KHDRBS2: variants seen among roughly 807,000 people sequenced by gnomAD.
The protein encoded by KHDRBS2 is KH domain-containing, RNA-binding, signal transduction-associated protein 2.
KHDRBS2 carries 26 observed loss-of-function variants against 44.3 expected under a neutral mutation model. That is an observed-to-expected ratio of 0.59 (90% CI 0.43 to 0.81). The LOEUF is 0.81. Among genes scored for constraint, KHDRBS2 ranks in the 40% least tolerant of loss-of-function variants. The pLI, the probability that KHDRBS2 is intolerant of heterozygous loss-of-function variation, is 0.00. For synonymous variants in KHDRBS2, 194 were observed against 151.1 expected, an observed-to-expected ratio of 1.28 and a Z score of -2.08; for missense variants, 476 against 433.1, an observed-to-expected ratio of 1.10 and a Z score of -0.88.
At chr6:62,258,932 C>T (rs1045378217) in intron 1 of KHDRBS2, among the ~76,000 whole-genome samples, 7 of 152,080 alleles carry the variant, frequency 4.6e-5, no homozygotes, top group Admixed American at 2.0e-4. Context: ...CAGAAATAGA[C>T]CTCAGGTGCA....
At chr6:62,047,852 TA>T in intron 3 of KHDRBS2, 25 bp downstream of exon 3, 1 of 1,444,312 alleles carries the variant, frequency 6.9e-7, no homozygotes, top group Middle Eastern at 1.7e-4. Flanking sequence ...CTGAATGTGG[TA>T]AATATTAGAT....
At chr6:62,192,758 A>T (rs9360358) in intron 1 of KHDRBS2, among the ~76,000 whole-genome samples, 1 of 152,130 alleles carries the variant, frequency 6.6e-6, no homozygotes, top group African/African-American at 2.4e-5. Flanking sequence ...AAATAATTTC[A>T]TTCACTCAGC....
chr6:61,580,823 C>T, the KHDRBS2 span, among the ~76,000 whole-genome samples: 1 of 152,104 alleles, frequency 6.6e-6, no homozygotes, highest in Non-Finnish European at 1.5e-5. Context: ...CTAGATGCAC[C>T]ATCTTTAAGA....
At chr6:62,015,589 G>A (rs77573396) in intron 3 of KHDRBS2, among the ~76,000 whole-genome samples, 21,854 of 151,992 alleles carry the variant, frequency 0.14, 2,077 homozygotes, top group Non-Finnish European at 0.19. Context: ...ACAATTTCCA[G>A]AGCTCCAGAC....
chr6:61,578,201 C>G, the KHDRBS2 span, among the ~76,000 whole-genome samples: 1 of 152,046 alleles, frequency 6.6e-6, no homozygotes, highest in Non-Finnish European at 1.5e-5. Context: ...CTTTAAACAG[C>G]AAACACCGCA....
intron 6 of KHDRBS2, among the ~76,000 whole-genome samples, chr6:61,788,795 G>A (rs1355254781): frequency 6.6e-6 from 1 of 150,914 alleles, no homozygotes; most frequent in East Asian, 1.9e-4. Flanking sequence ...TTCCTAGGAA[G>A]TAAAATGTTC....
At chr6:62,068,303 C>T (rs1584488842) in intron 2 of KHDRBS2, among the ~76,000 whole-genome samples, 1 of 151,314 alleles carries the variant, frequency 6.6e-6, no homozygotes, top group Non-Finnish European at 1.5e-5. Context: ...ATATGTTTAT[C>T]GACTTTTATA....
intron 2 of KHDRBS2, among the ~76,000 whole-genome samples, chr6:62,142,557 T>A (rs537427773): frequency 6.6e-6 from 1 of 152,078 alleles, no homozygotes; most frequent in East Asian, 1.9e-4. Flanking sequence ...TAAGTAAACA[T>A]CAGTAGCACT....
chr6:61,545,453 G>C, the KHDRBS2 span, among the ~76,000 whole-genome samples: 4 of 151,768 alleles, frequency 2.6e-5, no homozygotes, highest in Non-Finnish European at 2.9e-5. Context: ...GTGAAGGAAG[G>C]TGGAGGGGAT....
the KHDRBS2 span, among the ~76,000 whole-genome samples, chr6:61,552,614 G>A: frequency 0.034 from 5,126 of 152,164 alleles, 122 homozygotes; most frequent in Non-Finnish European, 0.055. Flanking sequence ...TCCCCATTCA[G>A]TATAATGTTG....
At chr6:61,816,949 A>G (rs1789051235) in intron 6 of KHDRBS2, 1 of 455,664 alleles carries the variant, frequency 2.2e-6, no homozygotes, top group African/African-American at 2.0e-5. Flanking sequence ...ACTTGAGACA[A>G]CTTACCTGGT....
At chr6:62,255,605 AACACACAC>A (rs60498757) in intron 1 of KHDRBS2, among the ~76,000 whole-genome samples, 11,044 of 137,386 alleles carry the variant, frequency 0.08, 488 homozygotes, top group South Asian at 0.2. Flanking sequence ...CATGCTTTAA[AACACACAC>A]ACACACACAC....
At chr6:61,992,920 C>A (rs554474268) in intron 3 of KHDRBS2, among the ~76,000 whole-genome samples, 1 of 152,124 alleles carries the variant, frequency 6.6e-6, no homozygotes, top group Non-Finnish European at 1.5e-5. Flanking sequence ...ACACTCCTAG[C>A]ACCAGAGATG....
At chr6:61,988,387 C>T (rs1362458415) in intron 3 of KHDRBS2, among the ~76,000 whole-genome samples, 2 of 152,192 alleles carry the variant, frequency 1.3e-5, no homozygotes, top group African/African-American at 4.8e-5. Flanking sequence ...ATACTTGTTT[C>T]ATGGAACAGG....
intron 6 of KHDRBS2, among the ~76,000 whole-genome samples, chr6:61,866,799 C>G (rs1452220041): frequency 6.6e-6 from 1 of 152,142 alleles, no homozygotes. Flanking sequence ...ATATTTAGAG[C>G]AGGGGCAAAA....
the KHDRBS2 span, among the ~76,000 whole-genome samples, chr6:61,606,499 C>T: frequency 6.6e-6 from 1 of 152,018 alleles, no homozygotes; most frequent in African/African-American, 2.4e-5. Flanking sequence ...TTTAAATGTG[C>T]AGAAGTGTGC....
chr6:61,911,294 A>G (rs1270980113), intron 4 of KHDRBS2, among the ~76,000 whole-genome samples: 1 of 152,184 alleles, frequency 6.6e-6, no homozygotes, highest in Non-Finnish European at 1.5e-5. Flanking sequence ...CCTTTTATGT[A>G]GTCAGTGCAT....
intron 2 of KHDRBS2, among the ~76,000 whole-genome samples, chr6:62,089,268 C>CAA (rs34948262): frequency 0.28 from 31,560 of 111,610 alleles, 4,802 homozygotes; most frequent in East Asian, 0.44. Context: ...CACTGGGTTA[C>CAA]AAAAAAAAAA....
chr6:62,222,528 T>C lies in KHDRBS2; in HGVS notation c.92-45216A>G, dbSNP rs543852789. 2.1e-3 allele frequency among the ~76,000 whole-genome samples: 316 copies of C among 152,230 alleles called. 1 individual carries two copies. The highest frequency in any genetic ancestry group is 7.2e-3 in the African/African-American group (297 of 41,528). On this transcript the variant is annotated intron_variant, in intron 1 of 8. Coordinates refer to ENST00000281156, the MANE Select transcript of KHDRBS2 (RefSeq NM_152688.4). ...AACACTATGATGGGAACTGCCCTCA[T>C]GATTCAAATTATCTCCCACCAGGTC...
Sources: gnomAD v4.1 joint callset for allele counts (sites outside exome capture counted in the v4.1 genomes callset) on GRCh38, gnomAD v4.1.1 for gene constraint, MANE v1.5 for transcripts, NCBI Gene and HGNC (gene_info 2026-07-23, HGNC 2026-07-21) for gene names.